Variants in ZNF268 observed in about 807,000 individuals in gnomAD.
ZNF268 encodes zinc finger protein 268.
A neutral mutation model predicts 29.3 loss-of-function variants in ZNF268; 20 were observed. That is an observed-to-expected ratio of 0.68 (90% CI 0.48 to 0.99). The LOEUF (loss-of-function observed/expected upper bound fraction) is 0.99, where lower values mean the gene tolerates loss of function less well. Ranked by LOEUF, ZNF268 falls within the 50% of genes least tolerant of loss-of-function variation. The probability of loss-of-function intolerance (pLI) is 0.00; values close to 1 mark genes in which losing one functional copy is unlikely to be tolerated. For missense variants in ZNF268, 1,240 were observed against 1,121.6 expected (o/e 1.11, Z -1.51); for synonymous variants, 429 against 376.9 (o/e 1.14, Z -1.60).
At chr12:133,183,509 AAAAGG>A (rs1471123671) in intron 2 of ZNF268, among the ~76,000 whole-genome samples, 4 of 151,982 alleles carry the variant, frequency 2.6e-5, no homozygotes, top group South Asian at 2.1e-4. Flanking sequence ...CAAAAAAAAA[AAAAGG>A]AGAGGAGGTA....
At position 133,204,374 on chromosome 12, in the gene ZNF268, A is replaced by C. The variant is rs771733109; in HGVS notation, c.2688A>C (p.Glu896Asp). 2.5e-6 allele frequency: 4 copies of C among 1,571,946 alleles called. No individual in the cohort carries two copies. The South Asian group carries it at 4.6e-5, about 18-fold the overall frequency. The change falls in exon 6 of 6, where the codon GAA (glutamate) becomes GAC (aspartate). Residue 896 changes from glutamate (E) to aspartate (D), a missense_variant. By Grantham distance (45) the Glu-to-Asp change is conservative. This residue lies in a region of ZNF268 where 1,177 missense variants were observed against 1,039.6 expected (regional missense o/e 1.13). Transcript: ENST00000536435. ...HSGEKPYGCN[E>D]CGKTFSQKSI... ...GAGAGAAACCCTATGGGTGCAATGA[A>C]TGTGGGAAAACCTTCTCTCAAAAAT...
At chr12:133,185,552 A>C (rs1358602169) in intron 2 of ZNF268, among the ~76,000 whole-genome samples, 1 of 141,698 alleles carries the variant, frequency 7.1e-6, no homozygotes, top group African/African-American at 2.7e-5. Flanking sequence ...GACTGGGGGT[A>C]GGGAGTGAGA....
At position 133,203,446 on chromosome 12, in the gene ZNF268, C is replaced by T. The variant is rs946175378; in HGVS notation, c.1760C>T (p.Thr587Ile). ...THAGEKPYEC[T>I]DCGKAFGLKS... Reference sequence around the variant, plus strand: ...GCAGGAGAGAAGCCTTATGAATGCACCGACTGTGGAAAGGCTTTTGGTTTA... The same window carrying T: ...GCAGGAGAGAAGCCTTATGAATGCATCGACTGTGGAAAGGCTTTTGGTTTA... Residue 587 changes from threonine to isoleucine, a missense_variant, in exon 6 of 6, where the codon ACC (threonine) becomes ATC (isoleucine). By Grantham distance (89) the Thr-to-Ile change is moderately conservative. Transcript: ENST00000536435. 1 of 1,541,746 alleles carries T rather than the reference C, an allele frequency of 6.5e-7. No homozygotes were observed. Among genetic ancestry groups the T allele is most frequent in the Non-Finnish European group, 8.7e-7 (1 of 1,148,434 alleles).
At chr12:133,191,755 C>A in intron 4 of ZNF268, 140 bp downstream of exon 4, 2 of 1,455,884 alleles carry the variant, frequency 1.4e-6, no homozygotes, top group South Asian at 1.2e-5. Flanking sequence ...TCCCTATTGG[C>A]AGCAGAGTAT....
chr12:133,187,709 G>T (rs1424046628), intron 2 of ZNF268, among the ~76,000 whole-genome samples, 163 bp from the exon 3 acceptor site: 2 of 152,118 alleles, frequency 1.3e-5, no homozygotes, highest in African/African-American at 4.8e-5. Context: ...GCTAAGCCTT[G>T]TCAGGAAGCC....
In ZNF268 at chr12:133,210,744, G is replaced by A. The variant is rs1271367531; in HGVS notation, c.*6214G>A. 2.3e-6 allele frequency: 1 copy of A among 442,472 alleles called. No individual in the cohort carries two copies. The highest frequency in any genetic ancestry group is 4.6e-6 in the Non-Finnish European group (1 of 217,392). 27.4% of individuals were successfully genotyped at this position (442,472 alleles called of 1,614,324 possible). A position where few individuals can be genotyped will look rare whatever the true frequency, so the allele number is the denominator to read the frequency against. ...TCAGTCCTGAGGAGAAGGCAGCTCA[G>A]TCTTTACTGTGATGCAGCCTCTAGT... On this transcript the variant is annotated 3_prime_UTR_variant, in exon 6 of 6. Transcript: ENST00000536435.
At chr12:133,193,074 C>A (rs573057039) in intron 5 of ZNF268, among the ~76,000 whole-genome samples, 2 of 152,188 alleles carry the variant, frequency 1.3e-5, no homozygotes, top group African/African-American at 4.8e-5. Context: ...GCTGCATGAC[C>A]GAGCACTTTT....
chr12:133,190,579 A>G (rs1298234157), intron 3 of ZNF268, among the ~76,000 whole-genome samples: 1 of 152,116 alleles, frequency 6.6e-6, no homozygotes, highest in Non-Finnish European at 1.5e-5. Context: ...ATGCTCATTT[A>G]CCATCTGTAT....
Position 133,210,515 on chromosome 12 carries a change from A to G in ZNF268, c.*5985A>G, listed in dbSNP as rs1201949653. 3.9e-6 allele frequency: 1 copy of G among 255,254 alleles called. No individual in the cohort carries two copies. The highest frequency in any genetic ancestry group is 8.0e-6 in the Non-Finnish European group (1 of 125,558). The allele number at this position is 255,254 out of a possible 1,614,324, so 15.8% of individuals were successfully genotyped here. ...TGAAGAGAAACAAGCTCCAGTCTTC[A>G]CTGTGGTTGTGCCCCACAGTGGTCC... On this transcript the variant is annotated 3_prime_UTR_variant, in exon 6 of 6. Transcript: ENST00000536435.
intron 5 of ZNF268, among the ~76,000 whole-genome samples, chr12:133,199,602 G>C (rs947007501): frequency 3.3e-5 from 5 of 151,794 alleles, no homozygotes; most frequent in Non-Finnish European, 7.4e-5. Context: ...AATAGTTTCA[G>C]AAGGAATAGT....
chr12:133,200,108 A>C (rs1485733091), intron 5 of ZNF268, among the ~76,000 whole-genome samples: 2 of 151,790 alleles, frequency 1.3e-5, no homozygotes, highest in African/African-American at 4.8e-5. Context: ...TAGTTCTTTT[A>C]ATTGTGATGT....
At position 133,203,200 on chromosome 12, in the gene ZNF268, G is replaced by A. The variant is rs1181598205; in HGVS notation, c.1514G>A (p.Cys505Tyr). The change falls in exon 6 of 6, where the codon TGT becomes TAT. Residue 505 changes from cysteine to tyrosine, a missense_variant. Cys to Tyr is a radical substitution (Grantham distance 194). This residue lies in a region of ZNF268 where 1,177 missense variants were observed against 1,039.6 expected (regional missense o/e 1.13). Transcript: ENST00000536435. ...TGMKPYVCNECGKAFRSKSYL... is the reference protein window; with the variant it reads ...TGMKPYVCNEYGKAFRSKSYL... The stretch of plus-strand genomic sequence containing the variant: ...ATGAAACCTTATGTATGCAATGAAT[G>A]TGGCAAAGCCTTCAGGAGCAAGTCA... 1.3e-6 allele frequency: 2 copies of A among 1,537,816 alleles called. No individual in the cohort carries two copies. Among genetic ancestry groups the A allele is most frequent in the African/African-American group, 2.7e-5 (2 of 73,024 alleles).
chr12:133,187,164 A>G (rs1190944132), intron 2 of ZNF268, among the ~76,000 whole-genome samples: 1 of 151,502 alleles, frequency 6.6e-6, no homozygotes, highest in African/African-American at 2.4e-5. Flanking sequence ...TCTTTTTCTA[A>G]TTTTTTATTC....
In ZNF268 at chr12:133,204,212, G is replaced by C; in HGVS notation, c.2526G>C (p.Glu842Asp). 3.2e-6 allele frequency: 5 copies of C among 1,540,826 alleles called. No homozygotes were observed. The highest frequency in any genetic ancestry group is 4.4e-6 in the Non-Finnish European group (5 of 1,147,442). The stretch of plus-strand genomic sequence containing the variant: ...ACCCTTATAAATGCAGTCAATGTGA[G>C]AAATCCTTCAGTGGGAAATTACGCC... ...GVNPYKCSQC[E>D]KSFSGKLRLL... is the part of the protein sequence containing the mutation. The change falls in exon 6 of 6, where the codon GAG (glutamate) becomes GAC (aspartate). Residue 842 changes from glutamate to aspartate, a missense_variant. This residue lies in a region of ZNF268 where 1,177 missense variants were observed against 1,039.6 expected (regional missense o/e 1.13). Transcript: ENST00000536435.
intron 5 of ZNF268, among the ~76,000 whole-genome samples, chr12:133,198,578 A>G (rs548508416): frequency 3.9e-4 from 60 of 152,294 alleles, no homozygotes; most frequent in African/African-American, 1.2e-3. Context: ...GAAGAAAGTC[A>G]TTGGTAGCTT....
intron 2 of ZNF268, among the ~76,000 whole-genome samples, chr12:133,186,653 C>G (rs931214945): frequency 2.0e-5 from 3 of 152,056 alleles, no homozygotes; most frequent in Non-Finnish European, 4.4e-5. Flanking sequence ...TCTGGGATTA[C>G]AGGCATGAGC....
chr12:133,197,034 T>C (rs1192687551), intron 5 of ZNF268, among the ~76,000 whole-genome samples: 1 of 151,772 alleles, frequency 6.6e-6, no homozygotes, highest in African/African-American at 2.4e-5. Flanking sequence ...CTTTCTTTTT[T>C]TTTTTTTTAA....
At chr12:133,190,923 A>G (rs570065777) in intron 3 of ZNF268, among the ~76,000 whole-genome samples, 1 of 132,074 alleles carries the variant, frequency 7.6e-6, no homozygotes, top group East Asian at 2.0e-4. Context: ...TTGCAGATGT[A>G]GGAGTGATCA....
chr12:133,203,896 C>T lies in ZNF268; in HGVS notation c.2210C>T (p.Ser737Leu). 6.3e-7 allele frequency: 1 copy of T among 1,579,636 alleles called. No homozygotes were observed. Among genetic ancestry groups the T allele is most frequent in the Non-Finnish European group, 8.6e-7 (1 of 1,165,860 alleles). ...RECGKSFSFNSQLIVHQRIHT... is the reference protein window; with the variant it reads ...RECGKSFSFNLQLIVHQRIHT... ...TGCGGGAAATCCTTTAGTTTCAATT[C>T]ACAACTCATTGTGCATCAGAGAATT... Residue 737 changes from serine (S) to leucine (L), a missense_variant, in exon 6 of 6, where the codon TCA becomes TTA. Ser to Leu is a moderately radical substitution (Grantham distance 145). Around this residue, in one of 3 missense-constraint regions of ZNF268, gnomAD observed 1,177 missense variants for 1,039.6 expected, o/e 1.13. Coordinates refer to ENST00000536435, the MANE Select transcript of ZNF268 (RefSeq NM_003415.3).
Sources: gnomAD v4.1 joint callset for allele counts (sites outside exome capture counted in the v4.1 genomes callset) on GRCh38, gnomAD v4.1.1 for gene constraint, gnomAD v4.1.1 regional missense constraint, MANE v1.5 for transcripts, NCBI Gene and HGNC (gene_info 2026-07-23, HGNC 2026-07-21) for gene names.